FOXN3: variants seen among roughly 807,000 people sequenced by gnomAD.
The protein encoded by FOXN3 is forkhead box protein N3.
In FOXN3, 7 loss-of-function variants were observed where a neutral mutation model predicts 38.4. The observed-to-expected ratio is 0.18, with a 90% CI of 0.10 to 0.34. The LOEUF (loss-of-function observed/expected upper bound fraction) is 0.34, where lower values mean the gene tolerates loss of function less well. Among genes scored for constraint, FOXN3 ranks in the 10% least tolerant of loss-of-function variants. The pLI is 1.00. For synonymous variants in FOXN3, 230 were observed against 242.2 expected, an observed-to-expected ratio of 0.95 and a Z score of 0.47; for missense variants, 456 against 613.4, an observed-to-expected ratio of 0.74 and a Z score of 2.71.
At chr14:89,241,188 C>T (rs769621413) in intron 4 of FOXN3, among the ~76,000 whole-genome samples, 1 of 152,230 alleles carries the variant, frequency 6.6e-6, no homozygotes, top group Non-Finnish European at 1.5e-5. Context: ...TGGCCTATGG[C>T]TCCAAGTGCA....
At chr14:89,549,050 C>T (rs1317672650) in intron 1 of FOXN3, among the ~76,000 whole-genome samples, 2 of 150,450 alleles carry the variant, frequency 1.3e-5, no homozygotes, top group Admixed American at 6.6e-5. Context: ...ACCTGGGAGG[C>T]GGAGGTTGTA....
At chr14:89,345,821 G>A (rs562786022) in intron 3 of FOXN3, among the ~76,000 whole-genome samples, 21 of 152,208 alleles carry the variant, frequency 1.4e-4, no homozygotes, top group Non-Finnish European at 2.6e-4. Context: ...TAGGGAGACC[G>A]AGGTGGTGGA....
At chr14:89,173,167 T>C (rs1010341408) in intron 5 of FOXN3, among the ~76,000 whole-genome samples, 8 of 152,148 alleles carry the variant, frequency 5.3e-5, no homozygotes, top group African/African-American at 1.7e-4. Flanking sequence ...AGGAAATCCA[T>C]AAAATAATAT....
chr14:89,455,076 A>G (rs1892691762), intron 1 of FOXN3, among the ~76,000 whole-genome samples: 1 of 152,194 alleles, frequency 6.6e-6, no homozygotes, highest in Non-Finnish European at 1.5e-5. Context: ...AATGCAGGAG[A>G]GCGACTCAGG....
rs76424577 is a variant in FOXN3 at position 89,325,353 on chromosome 14, C to T, written c.680+25319G>A. Among the ~76,000 whole-genome samples the T allele has an allele frequency of 3.6e-4, 47 of 131,356 alleles. 1 individual carries two copies. The highest frequency in any genetic ancestry group is 3.8e-4 in the Non-Finnish European group (22 of 58,002). The allele number at this position is 131,356 out of a possible 152,430, so 86.2% of individuals were successfully genotyped here. ...CCACCACCACCACCACCACCACCAC[C>T]ACCACCACTACCACCACCGCCACCA... On this transcript the variant is annotated intron_variant, in intron 3 of 5. Coordinates refer to ENST00000557258, the MANE Select transcript of FOXN3 (RefSeq NM_005197.4).
intron 1 of FOXN3, among the ~76,000 whole-genome samples, chr14:89,437,186 C>CAA (rs976823157): frequency 2.4e-5 from 3 of 124,862 alleles, no homozygotes; most frequent in Non-Finnish European, 5.2e-5. Context: ...AAAAACAAAA[C>CAA]AAAACAAAAA....
intron 1 of FOXN3, among the ~76,000 whole-genome samples, chr14:89,532,978 G>A (rs1894602417): frequency 6.6e-6 from 1 of 152,124 alleles, no homozygotes; most frequent in Non-Finnish European, 1.5e-5. Flanking sequence ...TGACATGCCA[G>A]AATTCAACAA....
intron 3 of FOXN3, 197 bp downstream of exon 3, chr14:89,350,475 C>T (rs1269888916): frequency 9.5e-6 from 4 of 422,930 alleles, no homozygotes; most frequent in Non-Finnish European, 1.6e-5. Flanking sequence ...AAGCACATTC[C>T]TCTGACGCTG....
intron 4 of FOXN3, among the ~76,000 whole-genome samples, chr14:89,215,008 G>A (rs1351699562): frequency 1.3e-5 from 2 of 152,216 alleles, no homozygotes; most frequent in African/African-American, 2.4e-5. Context: ...AGGTACATTA[G>A]GCGAGGGTAG....
chr14:89,410,718 T>C (rs1481850235), intron 2 of FOXN3, among the ~76,000 whole-genome samples: 1 of 151,630 alleles, frequency 6.6e-6, no homozygotes, highest in African/African-American at 2.4e-5. Flanking sequence ...ACAAAAAGTA[T>C]AAAAATTAGC....
intron 3 of FOXN3, among the ~76,000 whole-genome samples, chr14:89,341,924 C>A (rs181591072): frequency 1.3e-5 from 2 of 152,122 alleles, no homozygotes; most frequent in Non-Finnish European, 2.9e-5. Flanking sequence ...CTGGCTATCC[C>A]GAGAAGTAAA....
chr14:89,360,713 CACT>C (rs1279684728), intron 2 of FOXN3, among the ~76,000 whole-genome samples: 2 of 141,390 alleles, frequency 1.4e-5, no homozygotes, highest in Non-Finnish European at 1.5e-5. Context: ...CCACCTCCAG[CACT>C]ACCTCCACCA....
chr14:89,214,646 C>G (rs537518617), intron 4 of FOXN3, among the ~76,000 whole-genome samples: 1 of 152,214 alleles, frequency 6.6e-6, no homozygotes, highest in Non-Finnish European at 1.5e-5. Context: ...GCACTTCATG[C>G]TGACCCACTC....
At chr14:89,451,855 A>G (rs7147773) in intron 1 of FOXN3, among the ~76,000 whole-genome samples, 104,699 of 151,990 alleles carry the variant, frequency 0.69, 36,443 homozygotes, top group Middle Eastern at 0.77. Context: ...CAGCACTGGT[A>G]ACGGGGGGCT....
At chr14:89,424,042 T>G (rs2140108450) in intron 1 of FOXN3, among the ~76,000 whole-genome samples, 1 of 152,330 alleles carries the variant, frequency 6.6e-6, no homozygotes, top group Admixed American at 6.5e-5. Flanking sequence ...ATTGAATAAA[T>G]TAACTGAAGG....
intron 1 of FOXN3, among the ~76,000 whole-genome samples, chr14:89,466,170 A>T (rs1475116608): frequency 6.6e-6 from 1 of 152,066 alleles, no homozygotes; most frequent in African/African-American, 2.4e-5. Flanking sequence ...TGCAGCTTCC[A>T]CTTCATTTTC....
chr14:89,547,224 GTTATTTATTTAT>G (rs142859577), intron 1 of FOXN3, among the ~76,000 whole-genome samples: 10,959 of 144,790 alleles, frequency 0.076, 723 homozygotes, highest in African/African-American at 0.18. Flanking sequence ...CAGACACTAG[GTTATTTATTTAT>G]TTATTTATTT....
At chr14:89,380,513 A>G (rs545901883) in intron 2 of FOXN3, among the ~76,000 whole-genome samples, 1 of 152,358 alleles carries the variant, frequency 6.6e-6, no homozygotes, top group South Asian at 2.1e-4. Flanking sequence ...AACATTTTGC[A>G]CAACTCAGAA....
chr14:89,290,983 T>C, intron 3 of FOXN3: 1 of 419,868 alleles, frequency 2.4e-6, no homozygotes, highest in Non-Finnish European at 4.8e-6. Flanking sequence ...TGCGGACCTG[T>C]TCTGCTCCAC....
Sources: allele counts gnomAD v4.1 joint callset (sites outside exome capture counted in the v4.1 genomes callset), GRCh38; gene constraint gnomAD v4.1.1; transcripts MANE v1.5; gene names NCBI Gene and HGNC (gene_info 2026-07-23, HGNC 2026-07-21).